Variants in LDB2 observed in about 807,000 individuals in gnomAD.
LDB2 encodes LIM domain-binding protein 2.
A neutral mutation model predicts 44.3 loss-of-function variants in LDB2; 12 were observed. The observed-to-expected ratio is 0.27, with a 90% CI of 0.17 to 0.44. The LOEUF (loss-of-function observed/expected upper bound fraction) is 0.44. Ranked by LOEUF, LDB2 falls within the 20% of genes least tolerant of loss-of-function variation. The pLI is 1.00. For synonymous variants in LDB2, 164 were observed against 174.8 expected, an observed-to-expected ratio of 0.94 and a Z score of 0.49; for missense variants, 344 against 473.5, an observed-to-expected ratio of 0.73 and a Z score of 2.54.
Position 16,502,727 on chromosome 4 carries a change from C to T in LDB2, c.1038G>A (p.Leu346=), listed in dbSNP as rs1391161236. ...DEEDFNNSPA[L]GNNSPWNSKP... is the part of the protein sequence containing the mutation. ...TACTGTTCCACGGGCTGTTGTTCCC[C>T]AGCGCGGGTGAATTGTTGAAGTCCT... is the stretch of plus-strand genomic sequence containing the variant. Residue 346 remains leucine, a synonymous_variant, in exon 8 of 8, where the codon CTG becomes CTA. Transcript: ENST00000304523. 1 of 1,613,956 alleles carries T rather than the reference C, an allele frequency of 6.2e-7. No homozygotes were observed. The highest frequency in any genetic ancestry group is 2.2e-5 in the East Asian group (1 of 44,862).
chr4:16,650,532 T>C (rs558340952), intron 2 of LDB2, among the ~76,000 whole-genome samples: 1 of 152,346 alleles, frequency 6.6e-6, no homozygotes, highest in African/African-American at 2.4e-5. Context: ...TCTTTTTCTG[T>C]AGTCATTTAT....
intron 3 of LDB2, among the ~76,000 whole-genome samples, chr4:16,589,735 A>C (rs1718245195): frequency 6.6e-6 from 1 of 152,166 alleles, no homozygotes; most frequent in South Asian, 2.1e-4. Context: ...TATTGGTTCA[A>C]TTTAAATAGT....
At chr4:16,543,290 T>C (rs1389420557) in intron 5 of LDB2, among the ~76,000 whole-genome samples, 2 of 152,196 alleles carry the variant, frequency 1.3e-5, no homozygotes, top group African/African-American at 4.8e-5. Context: ...ATATACCCAG[T>C]AATGGGATGG....
intron 7 of LDB2, chr4:16,507,160 A>G (rs1719789351): frequency 6.6e-6 from 1 of 152,196 alleles, no homozygotes; most frequent in South Asian, 2.1e-4. Context: ...GTGGAGGACC[A>G]CCTGGAGACT....
chr4:16,755,640 C>A (rs1310408308), intron 2 of LDB2, among the ~76,000 whole-genome samples: 1 of 151,946 alleles, frequency 6.6e-6, no homozygotes, highest in Non-Finnish European at 1.5e-5. Context: ...CTCTCTGGAC[C>A]AAGTTTCCAT....
intron 1 of LDB2, among the ~76,000 whole-genome samples, chr4:16,799,611 T>A (rs1777384250): frequency 6.6e-6 from 1 of 152,170 alleles, no homozygotes; most frequent in Non-Finnish European, 1.5e-5. Flanking sequence ...TCCCCTCACA[T>A]GTATAGAGGA....
At chr4:16,549,124 A>G (rs1269802394) in intron 5 of LDB2, among the ~76,000 whole-genome samples, 2 of 152,228 alleles carry the variant, frequency 1.3e-5, no homozygotes, top group African/African-American at 2.4e-5. Context: ...TAGATATCAT[A>G]GAGCTAACAA....
At position 16,861,701 on chromosome 4, in the gene LDB2, T is replaced by C. The variant is rs575522182; in HGVS notation, c.132+36653A>G. Among the ~76,000 whole-genome samples the C allele has an allele frequency of 6.6e-4, 101 of 152,318 alleles. 1 individual carries two copies. The highest frequency in any genetic ancestry group is 2.1e-3 in the African/African-American group (87 of 41,572). Reference sequence around the variant, plus strand: ...GCTGCAGAATCTCAAATATGGCTTTTTGTGGCCTCCAGCCACGAGTCAGCT... The same window carrying C: ...GCTGCAGAATCTCAAATATGGCTTTCTGTGGCCTCCAGCCACGAGTCAGCT... On this transcript the variant is annotated intron_variant, in intron 1 of 7. Transcript: ENST00000304523.
chr4:16,535,481 G>A (rs1202623666), intron 5 of LDB2, among the ~76,000 whole-genome samples: 3 of 152,154 alleles, frequency 2.0e-5, no homozygotes. Context: ...TTCTATGTCA[G>A]ATACAATAAA....
intron 2 of LDB2, among the ~76,000 whole-genome samples, chr4:16,686,302 A>G (rs1749228197): frequency 6.6e-6 from 1 of 152,218 alleles, no homozygotes; most frequent in Non-Finnish European, 1.5e-5. Context: ...ATTAGGAAGA[A>G]GTTTTATTAT....
At chr4:16,867,519 A>G (rs945317943) in intron 1 of LDB2, among the ~76,000 whole-genome samples, 1 of 152,196 alleles carries the variant, frequency 6.6e-6, no homozygotes, top group Non-Finnish European at 1.5e-5. Context: ...TGCCAATAGA[A>G]AACAGGAACA....
chr4:16,736,111 C>T (rs1270342691), intron 2 of LDB2, among the ~76,000 whole-genome samples: 1 of 152,194 alleles, frequency 6.6e-6, no homozygotes, highest in Admixed American at 6.5e-5. Flanking sequence ...TCCTTCCCAC[C>T]TCCGGCTCTC....
At chr4:16,576,320 C>A (rs1577905337) in intron 5 of LDB2, among the ~76,000 whole-genome samples, 1 of 150,084 alleles carries the variant, frequency 6.7e-6, no homozygotes, top group African/African-American at 2.4e-5. Context: ...AAAAGTTAAA[C>A]AAATTAGAAA....
intron 1 of LDB2, among the ~76,000 whole-genome samples, chr4:16,886,890 G>A (rs1289039837): frequency 2.6e-5 from 4 of 151,738 alleles, no homozygotes; most frequent in South Asian, 2.1e-4. Context: ...AAAATAAGCC[G>A]GGTGTGGTGG....
intron 2 of LDB2, among the ~76,000 whole-genome samples, chr4:16,694,749 A>T (rs984655292): frequency 1.4e-4 from 22 of 152,318 alleles, no homozygotes; most frequent in African/African-American, 5.1e-4. Context: ...TCTCTCTACC[A>T]CCATGTACTC....
chr4:16,780,688 G>T (rs780509801), intron 1 of LDB2, among the ~76,000 whole-genome samples: 2 of 151,680 alleles, frequency 1.3e-5, no homozygotes, highest in Non-Finnish European at 2.9e-5. Context: ...AATTTTACAA[G>T]TTTATTCGCT....
At chr4:16,802,480 C>A (rs750665676) in intron 1 of LDB2, among the ~76,000 whole-genome samples, 3 of 152,180 alleles carry the variant, frequency 2.0e-5, no homozygotes, top group Non-Finnish European at 4.4e-5. Flanking sequence ...GAACTTCTTG[C>A]TAGAGAGCTG....
intron 1 of LDB2, among the ~76,000 whole-genome samples, chr4:16,769,495 C>T (rs1306233349): frequency 1.3e-5 from 2 of 151,916 alleles, no homozygotes; most frequent in African/African-American, 4.8e-5. Flanking sequence ...CGGGTTTCAC[C>T]ATGTTGACTA....
intron 2 of LDB2, among the ~76,000 whole-genome samples, chr4:16,636,913 C>A (rs1733756936): frequency 1.3e-5 from 2 of 152,228 alleles, no homozygotes; most frequent in South Asian, 4.1e-4. Context: ...GAAGCACTAT[C>A]TGTGTTGTAT....
Sources: gnomAD v4.1 joint callset for allele counts (sites outside exome capture counted in the v4.1 genomes callset) on GRCh38, gnomAD v4.1.1 for gene constraint, MANE v1.5 for transcripts, NCBI Gene and HGNC (gene_info 2026-07-23, HGNC 2026-07-21) for gene names.